The following PCNX2 variants were observed in gnomAD, a reference collection of about 807,000 sequenced individuals.
PCNX2 encodes the protein pecanex-like protein 2.
PCNX2 carries 168 observed loss-of-function variants against 223.8 expected under a neutral mutation model. The ratio of observed to expected loss-of-function variants is 0.75; its 90% CI spans 0.66 to 0.85. PCNX2 has a LOEUF of 0.85. Ranked by LOEUF, PCNX2 falls within the 40% of genes least tolerant of loss-of-function variation. The pLI, the probability that PCNX2 is intolerant of heterozygous loss-of-function variation, is 0.00. For synonymous variants in PCNX2, 1,006 were observed against 1,052.6 expected (o/e 0.96, Z 0.86); for missense variants, 2,507 against 2,675.5 (o/e 0.94, Z 1.39).
At chr1:233,198,865 A>C in intron 15 of PCNX2, 74 bp downstream of exon 15, 1 of 1,382,752 alleles carries the variant, frequency 7.2e-7, no homozygotes. Context: ...TTTGGAAAAA[A>C]CATTCATTTG....
intron 25 of PCNX2, among the ~76,000 whole-genome samples, chr1:233,044,768 A>G (rs66634731): frequency 6.6e-6 from 1 of 151,668 alleles, no homozygotes; most frequent in Non-Finnish European, 1.5e-5. Flanking sequence ...TCTCAGATTC[A>G]AGTGATTCTC....
Position 233,090,099 on chromosome 1 carries a change from T to A in PCNX2, c.4038A>T (p.Ser1346=), listed in dbSNP as rs372354791. The change falls in exon 23 of 34, where the codon TCA becomes TCT. Residue 1346 remains serine (S), a synonymous_variant. Coordinates refer to ENST00000258229, the MANE Select transcript of PCNX2 (RefSeq NM_014801.4). ...CCCAGAATTTCACTGGCCTGACATA[T>A]GATGTGATGAAAATGACACTCCCAA... The part of the protein sequence containing the change: ...PFLGSVIFIT[S]YVRPVKFWEK... The A allele has an allele frequency of 1.2e-6, 2 of 1,613,882 alleles. No homozygotes were observed. The highest frequency in any genetic ancestry group is 4.5e-5 in the East Asian group (2 of 44,876).
At chr1:232,997,635 C>T (rs537339112) in intron 32 of PCNX2, among the ~76,000 whole-genome samples, 1 of 152,322 alleles carries the variant, frequency 6.6e-6, no homozygotes, top group East Asian at 1.9e-4. Flanking sequence ...TGCAGACCAC[C>T]AGTGGAGTTT....
At chr1:233,187,762 G>C (rs531367527) in intron 15 of PCNX2, among the ~76,000 whole-genome samples, 1 of 152,224 alleles carries the variant, frequency 6.6e-6, no homozygotes, top group East Asian at 1.9e-4. Context: ...GCACGAGCTG[G>C]CTGGCTGAGA....
chr1:233,096,894 T>C (rs1674205194), intron 21 of PCNX2, among the ~76,000 whole-genome samples: 1 of 152,164 alleles, frequency 6.6e-6, no homozygotes. Context: ...GCCAACCTGG[T>C]GATTTTGGAA....
At chr1:233,181,464 C>T (rs1390630179) in intron 15 of PCNX2, among the ~76,000 whole-genome samples, 2 of 152,134 alleles carry the variant, frequency 1.3e-5, no homozygotes, top group Non-Finnish European at 2.9e-5. Context: ...TCGCAAAGTG[C>T]TGGGATTAAA....
intron 21 of PCNX2, among the ~76,000 whole-genome samples, chr1:233,118,690 T>TA (rs1442810540): frequency 2.0e-5 from 3 of 151,990 alleles, no homozygotes; most frequent in East Asian, 3.9e-4. Flanking sequence ...AGCTAAAAGT[T>TA]AAAAAAACTC....
At chr1:233,260,239 T>A (rs903770187) in intron 4 of PCNX2, among the ~76,000 whole-genome samples, 3 of 152,206 alleles carry the variant, frequency 2.0e-5, no homozygotes, top group African/African-American at 7.2e-5. Context: ...TTACATACTA[T>A]GACTCAGAAT....
In PCNX2 at chr1:233,279,383, TTGTGTTTGTGTGTG is replaced by T. The variant is rs1266491413; in HGVS notation, c.153+15929_153+15942del. On this transcript the variant is annotated intron_variant, in intron 1 of 33. Coordinates refer to ENST00000258229, the MANE Select transcript of PCNX2 (RefSeq NM_014801.4). Reference sequence around the variant, plus strand: ...GCATGTGCCACCATACACAGCTAATTTGTGTTTGTGTGTGTGTGTGTGTGTGTGTGTGTGTGTGT... The same window carrying T: ...GCATGTGCCACCATACACAGCTAATTTGTGTGTGTGTGTGTGTGTGTGTGT... Among the ~76,000 whole-genome samples the T allele has an allele frequency of 9.2e-4, 131 of 141,832 alleles. 1 individual carries two copies. Among genetic ancestry groups the T allele is most frequent in the African/African-American group, 3.4e-3 (123 of 36,486 alleles). 93.0% of individuals were successfully genotyped at this position (141,832 alleles called of 152,430 possible). A position where few individuals can be genotyped will look rare whatever the true frequency, so the allele number is the denominator to read the frequency against.
At chr1:233,214,057 G>A (rs1681981351) in intron 12 of PCNX2, among the ~76,000 whole-genome samples, 1 of 151,756 alleles carries the variant, frequency 6.6e-6, no homozygotes, top group African/African-American at 2.4e-5. Context: ...TTGAACTCCT[G>A]ACCTTGTGAT....
chr1:233,074,263 T>C (rs542195465), intron 23 of PCNX2, among the ~76,000 whole-genome samples: 269 of 152,142 alleles, frequency 1.8e-3, no homozygotes, highest in Admixed American at 2.8e-3. Context: ...TTGAAAAGAA[T>C]GTGTACCTAA....
At chr1:233,282,286 T>A (rs1361986901) in intron 1 of PCNX2, among the ~76,000 whole-genome samples, 5 of 152,182 alleles carry the variant, frequency 3.3e-5, no homozygotes, top group Non-Finnish European at 5.9e-5. Context: ...GCTCTACACA[T>A]TCTATTTAGG....
At chr1:233,177,180 A>C (rs571417165) in intron 17 of PCNX2, among the ~76,000 whole-genome samples, 39 of 152,220 alleles carry the variant, frequency 2.6e-4, no homozygotes, top group Non-Finnish European at 5.0e-4. Flanking sequence ...CGTGATAAAG[A>C]AATCAATGTA....
At chr1:233,069,653 C>CAAA (rs144585577) in intron 23 of PCNX2, among the ~76,000 whole-genome samples, 1 of 147,832 alleles carries the variant, frequency 6.8e-6, no homozygotes, top group Non-Finnish European at 1.5e-5. Flanking sequence ...GAAACACACA[C>CAAA]AAAAAAAAGA....
the PCNX2 span, among the ~76,000 whole-genome samples, chr1:233,310,893 C>G: frequency 2.0e-5 from 3 of 152,130 alleles, no homozygotes; most frequent in Non-Finnish European, 4.4e-5. Flanking sequence ...TCAGCTCTTT[C>G]TAACAATCAG....
At chr1:233,311,361 CTT>C in the PCNX2 span, among the ~76,000 whole-genome samples, 1 of 152,220 alleles carries the variant, frequency 6.6e-6, no homozygotes, top group Non-Finnish European at 1.5e-5. Context: ...TGATCAAAGA[CTT>C]TGCAAAACTC....
At position 233,001,542 on chromosome 1, in the gene PCNX2, G is replaced by A. The variant is rs1262195476; in HGVS notation, c.5092C>T (p.His1698Tyr). ...APAIRMSLKL[H>Y]QDQFTCPDEY... is the part of the protein sequence containing the mutation. ...TAAATAAAATAGGTTTTTACCTGGT[G>A]AAGTTTCAGGGACATCCTGATAGCT... is the stretch of plus-strand genomic sequence containing the variant. The change falls in exon 29 of 34, where the codon CAC becomes TAC. Residue 1698 changes from histidine (H) to tyrosine (Y), a missense_variant. By Grantham distance (83) the His-to-Tyr change is moderately conservative. Coordinates refer to ENST00000258229, the MANE Select transcript of PCNX2 (RefSeq NM_014801.4). This position sits in a 1 kb window ranked among gnomAD's most constrained non-coding sequence, Gnocchi z 4.2. 2 of 1,372,422 alleles carry A rather than the reference G, an allele frequency of 1.5e-6. No individual in the cohort carries two copies. The highest frequency in any genetic ancestry group is 5.6e-5 in the East Asian group (2 of 35,930). 85.0% of individuals were successfully genotyped at this position (1,372,422 alleles called of 1,614,324 possible).
intron 9 of PCNX2, among the ~76,000 whole-genome samples, chr1:233,232,381 C>T (rs1658117196): frequency 6.6e-6 from 1 of 152,048 alleles, no homozygotes; most frequent in African/African-American, 2.4e-5. Context: ...TAAGGCAGGC[C>T]AGGGTAAGCT....
At chr1:233,324,669 C>T in the PCNX2 span, among the ~76,000 whole-genome samples, 4 of 145,034 alleles carry the variant, frequency 2.8e-5, no homozygotes, top group East Asian at 2.0e-4. Flanking sequence ...GGCATGATCT[C>T]GGCTCACTGC....
Sources: allele counts gnomAD v4.1 joint callset (sites outside exome capture counted in the v4.1 genomes callset), GRCh38; gene constraint gnomAD v4.1.1; non-coding constraint Gnocchi (gnomAD v3.1); transcripts MANE v1.5; gene names NCBI Gene and HGNC (gene_info 2026-07-23, HGNC 2026-07-21).